Variants in ACAD9 observed in about 807,000 individuals in gnomAD.
The protein encoded by ACAD9 is complex I assembly factor ACAD9, mitochondrial.
A neutral mutation model predicts 70.2 loss-of-function variants in ACAD9; 53 were observed. The observed-to-expected ratio is 0.75, with a 90% confidence interval of 0.61 to 0.95. The LOEUF is 0.95. Among genes scored for constraint, ACAD9 ranks in the 40% least tolerant of loss-of-function variants. ACAD9 has a pLI of 0.00. For synonymous variants in ACAD9, 313 were observed against 312.1 expected (o/e 1.00, Z -0.03); for missense variants, 777 against 802.8 (o/e 0.97, Z 0.39).
chr3:128,886,902 C>CT (rs1935267213), intron 2 of ACAD9, among the ~76,000 whole-genome samples: 1 of 149,166 alleles, frequency 6.7e-6, no homozygotes, highest in African/African-American at 2.5e-5. Flanking sequence ...TTTTAACTGT[C>CT]TTTTTTTATA....
Position 128,908,189 on chromosome 3 carries a change from C to T in ACAD9, c.1283C>T (p.Thr428Ile), listed in dbSNP as rs779379787. The change falls in exon 13 of 18, where the codon ACC (threonine) becomes ATC (isoleucine). Residue 428 changes from threonine to isoleucine, a missense_variant. Physicochemically the swap from Thr to Ile is moderately conservative, Grantham distance 89 (BLOSUM62 -1). Transcript: ENST00000308982. ...DTRILLIFEG[T>I]NEILRMYIAL... ...CCTCTACACTACTGACCACAGGGAA[C>T]CAATGAGATTCTCCGGATGTACATC... 3 of 1,614,050 alleles carry T rather than the reference C, an allele frequency of 1.9e-6. No individual in the cohort carries two copies. Among genetic ancestry groups the T allele is most frequent in the Non-Finnish European group, 2.5e-6 (3 of 1,180,038 alleles).
intron 1 of ACAD9, among the ~76,000 whole-genome samples, chr3:128,883,380 T>G (rs934315431): frequency 6.6e-6 from 1 of 151,894 alleles, no homozygotes; most frequent in Non-Finnish European, 1.5e-5. Flanking sequence ...TTTTTTTTTA[T>G]GGAGTCTCAC....
chr3:128,879,755 G>A lies in ACAD9; in HGVS notation c.64G>A (p.Val22Ile). The A allele has an allele frequency of 6.2e-7, 1 of 1,613,470 alleles. No homozygotes were observed. The change falls in exon 1 of 18, where the codon GTC becomes ATC. Residue 22 changes from valine to isoleucine, a missense_variant. By Grantham distance (29) the Val-to-Ile change is conservative. Transcript: ENST00000308982. ...GGCTCGTGCCTGCCGGGGTCTGGTG[G>A]TCTCTACCGCGAACCGGCGGCTACT... is the stretch of plus-strand genomic sequence containing the variant. ...AAARACRGLV[V>I]STANRRLLRT...
At position 128,879,766 on chromosome 3, in the gene ACAD9, G is replaced by T. The variant is rs564435799; in HGVS notation, c.75G>T (p.Ala25=). Residue 25 remains alanine (A), a synonymous_variant, in exon 1 of 18, where the codon GCG becomes GCT. Transcript: ENST00000308982. Reference sequence around the variant, plus strand: ...GCCGGGGTCTGGTGGTCTCTACCGCGAACCGGCGGCTACTGCGCACCAGCC... The same window carrying T: ...GCCGGGGTCTGGTGGTCTCTACCGCTAACCGGCGGCTACTGCGCACCAGCC... ...RACRGLVVST[A]NRRLLRTSPP... is the part of the protein sequence containing the mutation. The T allele has an allele frequency of 1.1e-5, 18 of 1,613,572 alleles. No homozygotes were observed. The East Asian group carries it at 3.8e-4, about 34-fold the overall frequency.
intron 1 of ACAD9, among the ~76,000 whole-genome samples, chr3:128,883,233 G>C (rs1935144409): frequency 6.6e-6 from 1 of 152,118 alleles, no homozygotes. Context: ...GGAACTACAG[G>C]CGTGTGCAAC....
rs1935608771 is a variant in ACAD9, at chr3:128,897,775, C to T, written c.633+65C>T. The T allele has an allele frequency of 1.5e-5, 20 of 1,363,288 alleles. No homozygotes were observed. The South Asian group carries it at 2.3e-4, about 16-fold the overall frequency. The allele number at this position is 1,363,288 out of a possible 1,614,324, so 84.4% of individuals were successfully genotyped here. A position where few individuals can be genotyped will look rare whatever the true frequency, so the allele number is the denominator to read the frequency against. ...ACAACCTTCACTGCCACTGAGTGAG[C>T]ACTCTCCACACACCAGGGATTGTAC... On this transcript the variant is annotated intron_variant, in intron 6 of 17. Transcript: ENST00000308982.
At position 128,912,622 on chromosome 3, in the gene ACAD9, T is replaced by A; in HGVS notation, c.*15T>A. 6.2e-7 allele frequency: 1 copy of A among 1,608,554 alleles called. No homozygotes were observed. The highest frequency in any genetic ancestry group is 1.1e-5 in the South Asian group (1 of 90,946). ...GGACATGCTGAGGCAGGGGACAGTG[T>A]CCCCTGCTACCGCCCGCCCCTACCC... is the stretch of plus-strand genomic sequence containing the variant. On this transcript the variant is annotated 3_prime_UTR_variant, in exon 18 of 18. Transcript: ENST00000308982.
intron 11 of ACAD9, 55 bp downstream of exon 11, chr3:128,904,560 C>T (rs977474706): frequency 6.3e-7 from 1 of 1,589,084 alleles, no homozygotes; most frequent in Non-Finnish European, 8.5e-7. Context: ...GGAAATCTCC[C>T]TCACTGTGAC....
chr3:128,908,202 C>T lies in ACAD9; in HGVS notation c.1296C>T (p.Leu432=). 1 of 1,614,180 alleles carries T rather than the reference C, an allele frequency of 6.2e-7. No homozygotes were observed. Among genetic ancestry groups the T allele is most frequent in the Non-Finnish European group, 8.5e-7 (1 of 1,180,034 alleles). The change falls in exon 13 of 18, where the codon CTC becomes CTT. Residue 432 remains leucine (L), a synonymous_variant. Transcript: ENST00000308982. ...GACCACAGGGAACCAATGAGATTCT[C>T]CGGATGTACATCGCCCTGACGGGTC... is the stretch of plus-strand genomic sequence containing the variant. The part of the protein sequence containing the change: ...LLIFEGTNEI[L]RMYIALTGLQ...
Position 128,906,150 on chromosome 3 carries a change from T to A in ACAD9, c.1179T>A (p.Cys393Ter). The change falls in exon 12 of 18, where the codon TGT becomes TGA. Residue 393 changes from cysteine (C) to a stop codon, truncating the protein, a stop_gained. Coordinates refer to ENST00000308982, the MANE Select transcript of ACAD9 (RefSeq NM_014049.5). LOFTEE classifies it high-confidence loss of function. ...TCAGCTCCGAGGCCGCCTGGCAGTGTGTGAGTGAGGCGCTGCAGATCCTCG... is the reference window on the plus strand; with the variant it reads ...TCAGCTCCGAGGCCGCCTGGCAGTGAGTGAGTGAGGCGCTGCAGATCCTCG... ...KVFSSEAAWQ[C>*]VSEALQILGG... 1 of 1,614,176 alleles carries A rather than the reference T, an allele frequency of 6.2e-7. No individual in the cohort carries two copies. The highest frequency in any genetic ancestry group is 8.5e-7 in the Non-Finnish European group (1 of 1,180,024).
At chr3:128,886,217 C>T (rs893809947) in intron 2 of ACAD9, among the ~76,000 whole-genome samples, 5 of 150,974 alleles carry the variant, frequency 3.3e-5, no homozygotes, top group African/African-American at 1.2e-4. Context: ...ATTCTCCTGC[C>T]TCAGCCTCCC....
chr3:128,908,472 C>T (rs537984549), intron 13 of ACAD9: 9 of 631,308 alleles, frequency 1.4e-5, no homozygotes, highest in Middle Eastern at 4.1e-4. Context: ...GCCACAGCAC[C>T]CTACAGCTTC....
chr3:128,888,160 C>G (rs1252590649), intron 2 of ACAD9, among the ~76,000 whole-genome samples: 1 of 152,208 alleles, frequency 6.6e-6, no homozygotes, highest in African/African-American at 2.4e-5. Flanking sequence ...AAAGGCCGTA[C>G]ATAAATTCTG....
chr3:128,896,878 G>A (rs1297531161), intron 5 of ACAD9, among the ~76,000 whole-genome samples: 1 of 152,142 alleles, frequency 6.6e-6, no homozygotes, highest in Non-Finnish European at 1.5e-5. Flanking sequence ...TACACATTAG[G>A]AGCTGAGGTT....
At chr3:128,881,677 A>G (rs550427713) in intron 1 of ACAD9, among the ~76,000 whole-genome samples, 1 of 152,134 alleles carries the variant, frequency 6.6e-6, no homozygotes, top group East Asian at 1.9e-4. Flanking sequence ...ATCCTACTTG[A>G]CCCATCATTG....
chr3:128,891,887 T>C (rs1405633892), intron 2 of ACAD9, among the ~76,000 whole-genome samples: 1 of 152,262 alleles, frequency 6.6e-6, no homozygotes, highest in Non-Finnish European at 1.5e-5. Context: ...TTGTTTGAAC[T>C]TCTTGGCTCT....
chr3:128,879,624 G>T lies in ACAD9; in HGVS notation c.-68G>T. On this transcript the variant is annotated 5_prime_UTR_variant, in exon 1 of 18. Transcript: ENST00000308982. ...TTGTCGCGGGCCAGTAACGTCATCAGACGTGTGTGTGTCCCTGCGGCGCTA... is the reference window on the plus strand; with the variant it reads ...TTGTCGCGGGCCAGTAACGTCATCATACGTGTGTGTGTCCCTGCGGCGCTA... The T allele has an allele frequency of 6.6e-7, 1 of 1,515,012 alleles. No homozygotes were observed. 93.8% of individuals were successfully genotyped at this position (1,515,012 alleles called of 1,614,324 possible).
intron 4 of ACAD9, among the ~76,000 whole-genome samples, chr3:128,896,086 G>A (rs1935561098): frequency 6.6e-6 from 1 of 152,204 alleles, no homozygotes; most frequent in Non-Finnish European, 1.5e-5. Context: ...CCTGTCAGTG[G>A]GTGGGAGTGG....
chr3:128,912,406 G>A (rs1053811318), intron 17 of ACAD9, 101 bp from the exon 18 acceptor site: 11 of 1,014,328 alleles, frequency 1.1e-5, no homozygotes, highest in African/African-American at 1.6e-5. Context: ...GCTGCTTCAT[G>A]GTGGGTGGGC....
Sources: allele counts gnomAD v4.1 joint callset (sites outside exome capture counted in the v4.1 genomes callset), GRCh38; gene constraint gnomAD v4.1.1; transcripts MANE v1.5; gene names NCBI Gene and HGNC (gene_info 2026-07-23, HGNC 2026-07-21).